The following ZNF709 variants were observed in gnomAD, a reference collection of about 807,000 sequenced individuals.
ZNF709 encodes zinc finger protein 709.
A neutral mutation model predicts 10.6 loss-of-function variants in ZNF709; 15 were observed. That is an observed-to-expected ratio of 1.41 (90% CI 0.95 to 2.18). ZNF709 has a LOEUF of 2.18. ZNF709 is among the 30% of genes most tolerant of loss of function. ZNF709 has a pLI of 0.00. For missense variants in ZNF709, 589 were observed against 774.0 expected (o/e 0.76, Z 2.84); for synonymous variants, 194 against 238.8 (o/e 0.81, Z 1.73).
intron 1 of ZNF709, among the ~76,000 whole-genome samples, chr19:12,482,138 TACAC>T (rs74180073): frequency 2.3e-5 from 1 of 43,028 alleles, no homozygotes; most frequent in Non-Finnish European, 4.9e-5. Context: ...ACCTCTAAAA[TACAC>T]ACACACACAC....
Position 12,463,953 on chromosome 19 carries a change from T to C in ZNF709, c.*43A>G. 2.1e-6 allele frequency: 2 copies of C among 973,186 alleles called. No homozygotes were observed. Among genetic ancestry groups the C allele is most frequent in the South Asian group, 3.5e-5 (1 of 28,888 alleles). The allele number at this position is 973,186 out of a possible 1,614,324, so 60.3% of individuals were successfully genotyped here. A position where few individuals can be genotyped will look rare whatever the true frequency, so the allele number is the denominator to read the frequency against. The stretch of plus-strand genomic sequence containing the variant: ...AAAAAAAAAAAAAAAAAAAAGGAAA[T>C]AGGACAACTGAAAACTTTGCCATAT... On this transcript the variant is annotated 3_prime_UTR_variant, in exon 4 of 4. Transcript: ENST00000397732.
rs1970537880 is a variant in ZNF709 at position 12,463,909 on chromosome 19, AGAGT to A, written c.*83_*86del. 8.3e-7 allele frequency: 1 copy of A among 1,205,162 alleles called. No homozygotes were observed. Among genetic ancestry groups the A allele is most frequent in the Non-Finnish European group, 1.1e-6 (1 of 909,954 alleles). The allele number at this position is 1,205,162 out of a possible 1,614,324, so 74.7% of individuals were successfully genotyped here. On this transcript the variant is annotated 3_prime_UTR_variant, in exon 4 of 4. Transcript: ENST00000397732. Reference sequence around the variant, plus strand: ...TCTACTGCACTCCAGCCAGGGCAACAGAGTGAGAATTCAACTCAAAAAAAAAAAA... The same window carrying A: ...TCTACTGCACTCCAGCCAGGGCAACAGAGAATTCAACTCAAAAAAAAAAAA...
Position 12,465,688 on chromosome 19 carries a change from C to T in ZNF709, c.234G>A (p.Gln78=). 1 of 1,606,280 alleles carries T rather than the reference C, an allele frequency of 6.2e-7. No homozygotes were observed. The highest frequency in any genetic ancestry group is 2.2e-5 in the East Asian group (1 of 44,658). ...ERLCERKEGS[Q]FGETISQTPN... is the part of the protein sequence containing the mutation. ...GAGTCTGACTGATGGTTTCTCCAAACTGACTACCTTCTTTCCTTTCACAGA... is the reference window on the plus strand; with the variant it reads ...GAGTCTGACTGATGGTTTCTCCAAATTGACTACCTTCTTTCCTTTCACAGA... Residue 78 remains glutamine (Q), a synonymous_variant, in exon 4 of 4, where the codon CAG becomes CAA. Transcript: ENST00000397732.
intron 1 of ZNF709, 53 bp from the exon 2 acceptor site, chr19:12,466,903 G>C: frequency 1.3e-6 from 2 of 1,568,146 alleles, no homozygotes; most frequent in South Asian, 2.4e-5. Flanking sequence ...CAGCACTGGG[G>C]ATATAAACTC....
At chr19:12,484,499 G>A (rs902460113) in intron 1 of ZNF709, among the ~76,000 whole-genome samples, 156 bp downstream of exon 1, 11 of 152,072 alleles carry the variant, frequency 7.2e-5, no homozygotes, top group Non-Finnish European at 1.6e-4. Flanking sequence ...CCATCCTGCG[G>A]CCAAAGAGAC....
chr19:12,466,612 G>T (rs1244719949), intron 2 of ZNF709, 93 bp from the exon 3 acceptor site: 49 of 1,601,332 alleles, frequency 3.1e-5, no homozygotes, highest in Non-Finnish European at 3.9e-5. Flanking sequence ...TATCCTGTCT[G>T]ATTTATTTAC....
intron 1 of ZNF709, among the ~76,000 whole-genome samples, chr19:12,483,069 A>G (rs1004197667): frequency 1.2e-4 from 18 of 152,186 alleles, no homozygotes; most frequent in African/African-American, 3.9e-4. Context: ...GGAACTTGCT[A>G]TACATTCTCA....
In ZNF709 at chr19:12,465,136, T is replaced by A. The variant is rs770525980; in HGVS notation, c.786A>T (p.Arg262Ser). The A allele has an allele frequency of 5.0e-6, 8 of 1,611,410 alleles. No homozygotes were observed. Among genetic ancestry groups the A allele is most frequent in the Middle Eastern group, 1.6e-4 (1 of 6,064 alleles). Residue 262 changes from arginine (R) to serine (S), a missense_variant, in exon 4 of 4, where the codon AGA becomes AGT. Physicochemically the swap from Arg to Ser is moderately radical, Grantham distance 110. Transcript: ENST00000397732. ...CATGTATTTGAAAAGTTTGGTAATA[T>A]CTGAAAGCTTTTCCACATTGTTTAC... ...YECKQCGKAFRYYQTFQIHER... is the reference protein window; with the variant it reads ...YECKQCGKAFSYYQTFQIHER...
At chr19:12,467,685 T>C (rs1970588214) in intron 1 of ZNF709, among the ~76,000 whole-genome samples, 1 of 149,814 alleles carries the variant, frequency 6.7e-6, no homozygotes, top group South Asian at 2.1e-4. Flanking sequence ...CCATCACATC[T>C]AGGAAGTGAG....
At chr19:12,467,920 C>G (rs1350227314) in intron 1 of ZNF709, among the ~76,000 whole-genome samples, 1 of 151,950 alleles carries the variant, frequency 6.6e-6, no homozygotes, top group Non-Finnish European at 1.5e-5. Flanking sequence ...GCCACCCCAT[C>G]CGGGAGGGAG....
chr19:12,471,040 CAGA>C (rs1314874157), intron 1 of ZNF709, among the ~76,000 whole-genome samples: 1 of 152,000 alleles, frequency 6.6e-6, no homozygotes, highest in Non-Finnish European at 1.5e-5. Context: ...ACATGCCAGG[CAGA>C]GGATGCCTAC....
intron 1 of ZNF709, among the ~76,000 whole-genome samples, chr19:12,468,839 G>C (rs1970607868): frequency 6.6e-6 from 1 of 151,776 alleles, no homozygotes; most frequent in Admixed American, 6.6e-5. Context: ...GGTCAAATCT[G>C]TACGAGATTT....
intron 1 of ZNF709, among the ~76,000 whole-genome samples, chr19:12,475,303 A>G (rs1970667339): frequency 6.6e-6 from 1 of 150,774 alleles, no homozygotes; most frequent in Non-Finnish European, 1.5e-5. Context: ...TACATGAGGA[A>G]AGCAAGAAAA....
At chr19:12,468,071 T>TG (rs1175938622) in intron 1 of ZNF709, among the ~76,000 whole-genome samples, 67 of 126,924 alleles carry the variant, frequency 5.3e-4, no homozygotes, top group African/African-American at 1.8e-3. Context: ...GGGAGGGAGG[T>TG]GGGGGGTCAG....
chr19:12,465,472 G>A lies in ZNF709; in HGVS notation c.450C>T (p.Ser150=), dbSNP rs1970561642. The A allele has an allele frequency of 2.2e-5, 35 of 1,610,136 alleles. No individual in the cohort carries two copies. The highest frequency in any genetic ancestry group is 3.0e-5 in the Non-Finnish European group (35 of 1,178,596). ...YECKECGKRF[S]FRSSFRIHER... is the part of the protein sequence containing the mutation. ...CATGTATTCGAAATGAACTTCGAAA[G>A]CTGAATCTTTTCCCACATTCCTTAC... The change falls in exon 4 of 4, where the codon AGC becomes AGT. Residue 150 remains serine, a synonymous_variant. Coordinates refer to ENST00000397732, the MANE Select transcript of ZNF709 (RefSeq NM_152601.4).
chr19:12,477,771 C>A (rs1051304133), intron 1 of ZNF709, among the ~76,000 whole-genome samples: 2 of 152,214 alleles, frequency 1.3e-5, no homozygotes, highest in Admixed American at 1.3e-4. Context: ...AAATTGTGGA[C>A]CTCTTTTTCA....
intron 1 of ZNF709, among the ~76,000 whole-genome samples, chr19:12,482,115 A>G (rs1970732882): frequency 6.6e-6 from 1 of 151,298 alleles, no homozygotes. Context: ...CCTGGCCAAC[A>G]AAGTGAGAAC....
intron 1 of ZNF709, among the ~76,000 whole-genome samples, chr19:12,470,542 T>C (rs935525085): frequency 2.0e-5 from 3 of 152,196 alleles, no homozygotes; most frequent in Non-Finnish European, 2.9e-5. Flanking sequence ...AGTTCACATA[T>C]GATTCTGTGG....
chr19:12,467,577 G>A (rs952162887), intron 1 of ZNF709, among the ~76,000 whole-genome samples: 1 of 152,176 alleles, frequency 6.6e-6, no homozygotes, highest in Non-Finnish European at 1.5e-5. Context: ...TCTGGGAAGT[G>A]AGGAGCGTCT....
Sources: allele counts gnomAD v4.1 joint callset (sites outside exome capture counted in the v4.1 genomes callset), GRCh38; gene constraint gnomAD v4.1.1; transcripts MANE v1.5; gene names NCBI Gene and HGNC (gene_info 2026-07-23, HGNC 2026-07-21).